ITPR2: variants seen among roughly 807,000 people sequenced by gnomAD.
The protein encoded by ITPR2 is inositol 1,4,5-trisphosphate receptor type 2, also known as inositol 1,4,5-trisphosphate-gated calcium channel ITPR2.
Under a neutral mutation model 317.1 loss-of-function variants are expected in ITPR2, and 207 were observed. The observed-to-expected ratio is 0.65, with a 90% CI of 0.58 to 0.73. The LOEUF is 0.73. Among genes scored for constraint, ITPR2 ranks in the 30% least tolerant of loss-of-function variants. ITPR2 has a pLI of 0.00. For missense variants in ITPR2, 2,613 were observed against 3,284.0 expected (o/e 0.80, Z 4.99); for synonymous variants, 1,156 against 1,149.1 (o/e 1.01, Z -0.12).
intron 48 of ITPR2, among the ~76,000 whole-genome samples, chr12:26,428,470 A>C (rs1216828189): frequency 6.6e-6 from 1 of 152,212 alleles, no homozygotes; most frequent in Non-Finnish European, 1.5e-5. Context: ...ATCATTAAAA[A>C]ATTGAATTCA....
At chr12:26,649,040 C>T (rs991656515) in intron 21 of ITPR2, 4 of 152,116 alleles carry the variant, frequency 2.6e-5, no homozygotes, top group African/African-American at 9.7e-5. Context: ...AAATCGTTTT[C>T]CTACCAGATT....
intron 45 of ITPR2, among the ~76,000 whole-genome samples, chr12:26,452,397 G>A (rs1412074849): frequency 6.6e-6 from 1 of 151,744 alleles, no homozygotes; most frequent in Non-Finnish European, 1.5e-5. Context: ...AATGAGATTA[G>A]GATCAGAAAT....
Position 26,596,931 on chromosome 12 carries a change from C to T in ITPR2, c.4206G>A (p.Pro1402=), listed in dbSNP as rs1318847630. 14 of 1,594,014 alleles carry T rather than the reference C, an allele frequency of 8.8e-6. No individual in the cohort carries two copies. Among genetic ancestry groups the T allele is most frequent in the Non-Finnish European group, 9.4e-6 (11 of 1,169,304 alleles). Residue 1402 remains proline (P), a synonymous_variant, in exon 31 of 57, where the codon CCG becomes CCA. Coordinates refer to ENST00000381340, the MANE Select transcript of ITPR2 (RefSeq NM_002223.4). ...YTEIKCNSLL[P]LDDIVRVVTH... is the part of the protein sequence containing the mutation. ...TCACCACCCTCACTATGTCGTCCAGCGGGAGAAGGGAATTACACTTGATTT... is the reference window on the plus strand; with the variant it reads ...TCACCACCCTCACTATGTCGTCCAGTGGGAGAAGGGAATTACACTTGATTT...
At chr12:26,725,850 T>G in intron 2 of ITPR2, 85 bp from the exon 3 acceptor site, 2 of 858,576 alleles carry the variant, frequency 2.3e-6, no homozygotes, top group Non-Finnish European at 1.9e-6. Context: ...TTTTGAATCT[T>G]GGAATCCCTG....
At chr12:26,546,081 T>G (rs1948011) in intron 37 of ITPR2, among the ~76,000 whole-genome samples, 96,664 of 152,028 alleles carry the variant, frequency 0.64, 32,883 homozygotes, top group Non-Finnish European at 0.78. Context: ...TAAGAAACAA[T>G]AAAATTAAGA....
intron 48 of ITPR2, among the ~76,000 whole-genome samples, chr12:26,432,405 G>A (rs1019410481): frequency 2.6e-5 from 4 of 152,088 alleles, no homozygotes; most frequent in Admixed American, 2.0e-4. Context: ...GTCGGTGATT[G>A]TATCAGGAGG....
rs371828014 is a variant in ITPR2 at position 26,400,148 on chromosome 12, G to A, written c.7510C>T (p.Leu2504=). 1.0e-4 allele frequency: 166 copies of A among 1,610,822 alleles called. No homozygotes were observed. Among genetic ancestry groups the A allele is most frequent in the Non-Finnish European group, 1.3e-4 (158 of 1,178,146 alleles). ...LRNGGGVGDV[L]RRPSKDEPLF... ...CTTACATCTTTCGATGGCCTTCTTA[G>A]CACATCCCCCACACCACCGCCATTC... The change falls in exon 53 of 57, where the codon CTA becomes TTA. Residue 2504 remains leucine (L), a synonymous_variant. Transcript: ENST00000381340.
intron 26 of ITPR2, among the ~76,000 whole-genome samples, chr12:26,618,605 G>A (rs1407665117): frequency 6.6e-6 from 1 of 152,202 alleles, no homozygotes; most frequent in Admixed American, 6.5e-5. Flanking sequence ...AACTGGCATT[G>A]TCTGGTAGAG....
intron 9 of ITPR2, among the ~76,000 whole-genome samples, chr12:26,697,219 T>A (rs139397402): frequency 3.3e-5 from 5 of 152,138 alleles, no homozygotes; most frequent in Non-Finnish European, 5.9e-5. Flanking sequence ...ATTTTCATAC[T>A]AGAGAATTTA....
chr12:26,725,433 C>T (rs1948903279), intron 3 of ITPR2, among the ~76,000 whole-genome samples: 1 of 151,980 alleles, frequency 6.6e-6, no homozygotes, highest in Admixed American at 6.6e-5. Flanking sequence ...TCTGGCACAC[C>T]CTAAAAAACA....
intron 37 of ITPR2, among the ~76,000 whole-genome samples, chr12:26,530,378 G>A (rs1565583766): frequency 1.3e-5 from 2 of 152,330 alleles, no homozygotes; most frequent in African/African-American, 4.8e-5. Context: ...GTCTGTGTCT[G>A]TATTTTGGAA....
intron 2 of ITPR2, among the ~76,000 whole-genome samples, chr12:26,771,635 C>A (rs1026975232): frequency 6.6e-6 from 1 of 152,178 alleles, no homozygotes; most frequent in Non-Finnish European, 1.5e-5. Flanking sequence ...CTGCCTCAGC[C>A]TCCTGAGCAG....
intron 1 of ITPR2, among the ~76,000 whole-genome samples, chr12:26,812,555 G>A (rs1950775026): frequency 6.6e-6 from 1 of 152,164 alleles, no homozygotes; most frequent in Non-Finnish European, 1.5e-5. Flanking sequence ...CTCCAGCCTG[G>A]GCGACAGAGC....
intron 48 of ITPR2, among the ~76,000 whole-genome samples, chr12:26,434,366 G>T (rs546323748): frequency 9.2e-5 from 14 of 152,260 alleles, no homozygotes; most frequent in African/African-American, 3.4e-4. Flanking sequence ...ATCCGCTGCT[G>T]TTATTATTAT....
rs775102133 is a variant in ITPR2, at chr12:26,428,010, T to C, written c.6848A>G (p.Lys2283Arg). Residue 2283 changes from lysine to arginine, a missense_variant, in exon 49 of 57, where the codon AAG (lysine) becomes AGG (arginine). Lys to Arg is a conservative substitution (Grantham distance 26, BLOSUM62 2). Around this residue, in one of 9 missense-constraint regions of ITPR2, gnomAD observed 926 missense variants for 1,072.8 expected, o/e 0.86. Coordinates refer to ENST00000381340, the MANE Select transcript of ITPR2 (RefSeq NM_002223.4). ...AAGAAACGGCCGAATACCCACAGGC[T>C]TGGAGAAGAAAAACAGCATAGATGT... is the stretch of plus-strand genomic sequence containing the variant. The part of the protein sequence containing the change: ...ICTSMLFFFS[K>R]PVGIRPFLVS... 4.3e-6 allele frequency: 7 copies of C among 1,613,086 alleles called. No homozygotes were observed. The highest frequency in any genetic ancestry group is 1.1e-5 in the South Asian group (1 of 90,936).
At chr12:26,772,112 C>T (rs1949855412) in intron 2 of ITPR2, among the ~76,000 whole-genome samples, 1 of 151,636 alleles carries the variant, frequency 6.6e-6, no homozygotes. Context: ...GTATTATACT[C>T]GAAAGAATAC....
intron 1 of ITPR2, among the ~76,000 whole-genome samples, chr12:26,805,277 C>A (rs1274144514): frequency 6.6e-6 from 1 of 152,092 alleles, no homozygotes; most frequent in South Asian, 2.1e-4. Flanking sequence ...ATAGTACTAA[C>A]CTCATAGGGT....
chr12:26,367,563 G>GA (rs1487873391), intron 55 of ITPR2, among the ~76,000 whole-genome samples: 1 of 152,238 alleles, frequency 6.6e-6, no homozygotes, highest in African/African-American at 2.4e-5. Context: ...ATAAAAATCT[G>GA]AAAAAACCTT....
chr12:26,725,550 T>A, intron 3 of ITPR2, 100 bp downstream of exon 3: 1 of 745,124 alleles, frequency 1.3e-6, no homozygotes, highest in East Asian at 2.6e-5. Context: ...TAAATCTCTG[T>A]GTTTTGGGTG....
Sources: allele counts gnomAD v4.1 joint callset (sites outside exome capture counted in the v4.1 genomes callset), GRCh38; gene constraint gnomAD v4.1.1; regional missense constraint gnomAD v4.1.1; transcripts MANE v1.5; gene names NCBI Gene and HGNC (gene_info 2026-07-23, HGNC 2026-07-21).